The following NWD2 variants were observed in gnomAD, a reference collection of about 807,000 sequenced individuals.
NWD2 encodes the protein NACHT and WD repeat domain-containing protein 2.
A neutral mutation model predicts 132.7 loss-of-function variants in NWD2; 37 were observed. That is an observed-to-expected ratio of 0.28 (90% CI 0.21 to 0.37). NWD2 has a LOEUF of 0.37. Ranked by LOEUF, NWD2 falls within the 10% of genes least tolerant of loss-of-function variation. NWD2 has a pLI of 1.00. For synonymous variants in NWD2, 705 were observed against 803.0 expected (o/e 0.88, Z 2.06); for missense variants, 1,592 against 2,122.4 (o/e 0.75, Z 4.91).
intron 2 of NWD2, among the ~76,000 whole-genome samples, chr4:37,326,303 A>G (rs1204431150): frequency 1.3e-5 from 2 of 152,082 alleles, no homozygotes; most frequent in East Asian, 3.9e-4. Context: ...CTCCACTATT[A>G]TCAAAGAGAT....
intron 3 of NWD2, among the ~76,000 whole-genome samples, chr4:37,371,072 C>CTTTTTTTTTTTTTTTTTTTTTTT (rs1309185055): frequency 9.9e-6 from 1 of 100,526 alleles, no homozygotes; most frequent in Non-Finnish European, 1.9e-5. Context: ...ATTTTTTTTT[C>CTTTTTTTTTTTTTTTTTTTTTTT]TTTTTCTTTT....
chr4:37,276,407 A>G (rs552731401), intron 1 of NWD2, among the ~76,000 whole-genome samples: 9 of 152,340 alleles, frequency 5.9e-5, no homozygotes, highest in Admixed American at 3.9e-4. Flanking sequence ...CTCTCACACC[A>G]GTTAGAATGG....
At chr4:37,382,656 G>T (rs559717299) in intron 3 of NWD2, among the ~76,000 whole-genome samples, 1 of 151,980 alleles carries the variant, frequency 6.6e-6, no homozygotes, top group Non-Finnish European at 1.5e-5. Flanking sequence ...TCCAGCTGGA[G>T]AATTTCCTGA....
intron 2 of NWD2, among the ~76,000 whole-genome samples, chr4:37,336,757 G>A (rs1719413488): frequency 6.6e-6 from 1 of 151,972 alleles, no homozygotes; most frequent in Non-Finnish European, 1.5e-5. Context: ...TGGCCAACAT[G>A]GTGAAACCCC....
At chr4:37,413,759 G>A (rs1295380868) in intron 3 of NWD2, among the ~76,000 whole-genome samples, 2 of 152,058 alleles carry the variant, frequency 1.3e-5, no homozygotes, top group Non-Finnish European at 2.9e-5. Flanking sequence ...AAGAAAATGT[G>A]GTACATATAC....
chr4:37,347,236 T>A (rs1341459967), intron 2 of NWD2, among the ~76,000 whole-genome samples: 2 of 152,136 alleles, frequency 1.3e-5, no homozygotes, highest in Non-Finnish European at 1.5e-5. Context: ...AACTAATATG[T>A]ATTCCTCCTG....
intron 3 of NWD2, among the ~76,000 whole-genome samples, chr4:37,359,680 A>T (rs1719941706): frequency 1.3e-5 from 2 of 152,190 alleles, no homozygotes; most frequent in Non-Finnish European, 2.9e-5. Flanking sequence ...TAAGGACCAG[A>T]TGAAGCTTTC....
chr4:37,338,750 G>A (rs140532898), intron 2 of NWD2, among the ~76,000 whole-genome samples: 13 of 152,226 alleles, frequency 8.5e-5, no homozygotes, highest in East Asian at 7.7e-4. Flanking sequence ...TTCTTCCACC[G>A]TTTCTTCTCT....
intron 2 of NWD2, among the ~76,000 whole-genome samples, chr4:37,347,868 C>CGA (rs1186290552): frequency 1.3e-5 from 2 of 152,094 alleles, no homozygotes; most frequent in Non-Finnish European, 2.9e-5. Context: ...AGAATCGAGA[C>CGA]GAGATTATGT....
intron 1 of NWD2, among the ~76,000 whole-genome samples, chr4:37,248,717 A>G (rs990541531): frequency 6.6e-6 from 1 of 152,256 alleles, no homozygotes; most frequent in Non-Finnish European, 1.5e-5. Context: ...CCCTGTTATT[A>G]GAGTGTAAAG....
At chr4:37,401,451 C>A (rs1040780466) in intron 3 of NWD2, among the ~76,000 whole-genome samples, 5 of 152,180 alleles carry the variant, frequency 3.3e-5, no homozygotes, top group African/African-American at 1.2e-4. Flanking sequence ...TTTACAGACT[C>A]ACACATTGTC....
chr4:37,332,884 T>C (rs548132392), intron 2 of NWD2, among the ~76,000 whole-genome samples: 15 of 152,258 alleles, frequency 9.9e-5, no homozygotes, highest in Admixed American at 3.9e-4. Flanking sequence ...GTCTCAGACC[T>C]GGCAGCATTC....
intron 4 of NWD2, among the ~76,000 whole-genome samples, chr4:37,431,651 T>C (rs1712183118): frequency 6.6e-6 from 1 of 152,228 alleles, no homozygotes; most frequent in Non-Finnish European, 1.5e-5. Context: ...AAGGAAATTA[T>C]GTGAGGTAGT....
intron 1 of NWD2, among the ~76,000 whole-genome samples, chr4:37,289,721 A>G (rs1011763318): frequency 6.6e-6 from 1 of 152,152 alleles, no homozygotes; most frequent in East Asian, 1.9e-4. Flanking sequence ...TCAGATGCCT[A>G]TGTCAATATA....
At chr4:37,315,936 G>T in intron 1 of NWD2, among the ~76,000 whole-genome samples, 1 of 151,836 alleles carries the variant, frequency 6.6e-6, no homozygotes, top group African/African-American at 2.4e-5. Flanking sequence ...AAAATACTTT[G>T]CACTGGTACA....
chr4:37,377,189 C>A (rs1720364092), intron 3 of NWD2, among the ~76,000 whole-genome samples: 1 of 152,156 alleles, frequency 6.6e-6, no homozygotes, highest in Non-Finnish European at 1.5e-5. Flanking sequence ...AGAGTAGGGA[C>A]CACTCCAATC....
intron 1 of NWD2, among the ~76,000 whole-genome samples, chr4:37,325,495 A>G (rs1458077544): frequency 1.3e-5 from 2 of 151,904 alleles, no homozygotes; most frequent in Non-Finnish European, 2.9e-5. Context: ...GTAGTCTGGG[A>G]TGTTTTTGGA....
At chr4:37,305,397 G>GA (rs1353909952) in intron 1 of NWD2, among the ~76,000 whole-genome samples, 1 of 152,184 alleles carries the variant, frequency 6.6e-6, no homozygotes, top group Non-Finnish European at 1.5e-5. Context: ...TTCCTCTCCA[G>GA]AAAATAGGTC....
chr4:37,419,088 T>C (rs988423916), intron 3 of NWD2, among the ~76,000 whole-genome samples: 1 of 152,094 alleles, frequency 6.6e-6, no homozygotes, highest in African/African-American at 2.4e-5. Flanking sequence ...GCCTCAGAAA[T>C]AACACCACAC....
Sources: allele counts gnomAD v4.1 joint callset (sites outside exome capture counted in the v4.1 genomes callset), GRCh38; gene constraint gnomAD v4.1.1; transcripts MANE v1.5; gene names NCBI Gene and HGNC (gene_info 2026-07-23, HGNC 2026-07-21).